Variants in SORT1 observed in about 807,000 individuals in gnomAD.
SORT1 encodes the protein sortilin 1.
A neutral mutation model predicts 101.7 loss-of-function variants in SORT1; 39 were observed. The ratio of observed to expected loss-of-function variants is 0.38; its 90% CI spans 0.30 to 0.50. The LOEUF (loss-of-function observed/expected upper bound fraction) is 0.50, where lower values mean the gene tolerates loss of function less well. Ranked by LOEUF, SORT1 falls within the 20% of genes least tolerant of loss-of-function variation. The probability of loss-of-function intolerance (pLI) is 0.90; values close to 1 mark genes in which losing one functional copy is unlikely to be tolerated. For missense variants in SORT1, 878 were observed against 1,040.4 expected, an observed-to-expected ratio of 0.84 and a Z score of 2.15; for synonymous variants, 396 against 393.7, an observed-to-expected ratio of 1.01 and a Z score of -0.07.
rs1647874993 is a variant in SORT1 at position 109,324,746 on chromosome 1, C to A, written c.1834+153G>T. 6.6e-6 allele frequency among the ~76,000 whole-genome samples: 1 copy of A among 152,154 alleles called. No individual in the cohort carries two copies. Among genetic ancestry groups the A allele is most frequent in the South Asian group, 2.1e-4 (1 of 4,822 alleles). On this transcript the variant is annotated intron_variant, in intron 14 of 19. Transcript: ENST00000256637. ...AGGAGGTTGTTTTTCTGATGCCATT[C>A]CATTACTTAATCACCCACACAGAAC...
At chr1:109,333,869 G>A (rs1009119110) in intron 11 of SORT1, among the ~76,000 whole-genome samples, 11 of 152,170 alleles carry the variant, frequency 7.2e-5, no homozygotes, top group African/African-American at 2.2e-4. Flanking sequence ...CAGCAGGGCC[G>A]AGCATGGTGG....
At chr1:109,357,938 TATC>T (rs1229933009) in intron 3 of SORT1, among the ~76,000 whole-genome samples, 3 of 152,206 alleles carry the variant, frequency 2.0e-5, no homozygotes. Context: ...ACAGTGCATG[TATC>T]ATCAACAGCT....
chr1:109,340,702 C>T (rs1324537961), intron 10 of SORT1, 22 bp downstream of exon 10: 1 of 1,613,464 alleles, frequency 6.2e-7, no homozygotes, highest in Non-Finnish European at 8.5e-7. Context: ...GCACAGTACA[C>T]CACTGCGATG....
chr1:109,340,970 C>A lies in SORT1; in HGVS notation c.1109-91G>T, dbSNP rs1649183226. The A allele has an allele frequency of 7.9e-6, 8 of 1,009,690 alleles. No homozygotes were observed. In the South Asian group the frequency reaches 1.2e-4, roughly 15 times the overall value. 62.5% of individuals were successfully genotyped at this position (1,009,690 alleles called of 1,614,324 possible). ...AACCACACACGATTACCTGCCTGAC[C>A]AAACACAGTAGCCAATTGTGTCTCT... On this transcript the variant is annotated intron_variant, in intron 9 of 19. Transcript: ENST00000256637.
intron 1 of SORT1, among the ~76,000 whole-genome samples, chr1:109,377,244 G>A (rs1035857018): frequency 6.6e-6 from 1 of 152,038 alleles, no homozygotes; most frequent in Non-Finnish European, 1.5e-5. Flanking sequence ...AATTCTTAAT[G>A]GCAGACGCTA....
chr1:109,330,572 T>C (rs1648395538), intron 11 of SORT1, among the ~76,000 whole-genome samples: 1 of 151,990 alleles, frequency 6.6e-6, no homozygotes, highest in African/African-American at 2.4e-5. Context: ...CTCAAGGAAC[T>C]AGAAAAAGAA....
Position 109,314,098 on chromosome 1 carries a change from C to A in SORT1, c.2482-41G>T, listed in dbSNP as rs527386392. 130 of 1,613,444 alleles carry A rather than the reference C, an allele frequency of 8.1e-5. 1 individual carries two copies. In the South Asian group the frequency reaches 1.4e-3, roughly 17 times the overall value. ...ACCATATTACCGACAGACCACAACA[C>A]TCCTATTTCAAAAGCAATCACCTAG... On this transcript the variant is annotated intron_variant, in intron 19 of 19. Transcript: ENST00000256637.
rs188782122 is a variant in SORT1 at position 109,317,390 on chromosome 1, G to A, written c.2142-432C>T. ...GTTACACTAGTGTCCACAGCTATGT[G>A]TGGCTAGTGACTATCATATTGGGCA... On this transcript the variant is annotated intron_variant, in intron 16 of 19. Coordinates refer to ENST00000256637, the MANE Select transcript of SORT1 (RefSeq NM_002959.7). Among the ~76,000 whole-genome samples, 71 of 152,330 alleles carry A rather than the reference G, an allele frequency of 4.7e-4. 1 individual carries two copies. Among genetic ancestry groups the A allele is most frequent in the African/African-American group, 1.6e-3 (65 of 41,576 alleles).
At chr1:109,381,787 C>T (rs1652253024) in intron 1 of SORT1, among the ~76,000 whole-genome samples, 1 of 151,962 alleles carries the variant, frequency 6.6e-6, no homozygotes, top group Non-Finnish European at 1.5e-5. Flanking sequence ...CTGTTTGAGC[C>T]CAGGAGGTCA....
At chr1:109,331,481 A>G (rs1013974527) in intron 11 of SORT1, among the ~76,000 whole-genome samples, 1 of 152,084 alleles carries the variant, frequency 6.6e-6, no homozygotes, top group Non-Finnish European at 1.5e-5. Flanking sequence ...TAATAAACCC[A>G]TTCATGATAA....
chr1:109,366,680 G>C (rs1464149638), intron 3 of SORT1: 2 of 152,332 alleles, frequency 1.3e-5, no homozygotes, highest in Admixed American at 6.5e-5. Flanking sequence ...GCTGAGGTGG[G>C]AAGACAGCTT....
At chr1:109,376,608 A>G (rs1289574313) in intron 1 of SORT1, among the ~76,000 whole-genome samples, 1 of 152,202 alleles carries the variant, frequency 6.6e-6, no homozygotes, top group Non-Finnish European at 1.5e-5. Flanking sequence ...ATGGATGCAC[A>G]TGGAGGCCAT....
In SORT1 at chr1:109,314,223, G is replaced by A. The variant is rs72646591; in HGVS notation, c.2481+38C>T. The A allele has an allele frequency of 2.3e-5, 33 of 1,457,012 alleles. No individual in the cohort carries two copies. The African/African-American group carries it at 4.2e-4, about 19-fold the overall frequency. 90.3% of individuals were successfully genotyped at this position (1,457,012 alleles called of 1,614,324 possible). Reference sequence around the variant, plus strand: ...GACTTTATTTTCTTGTATTTTTTGGGGGGGGGGGTACTACCATTCAAGAAG... The same window carrying A: ...GACTTTATTTTCTTGTATTTTTTGGAGGGGGGGGTACTACCATTCAAGAAG... On this transcript the variant is annotated intron_variant, in intron 19 of 19. Transcript: ENST00000256637.
chr1:109,331,715 C>T (rs943305491), intron 11 of SORT1, among the ~76,000 whole-genome samples: 5 of 151,914 alleles, frequency 3.3e-5, no homozygotes, highest in Non-Finnish European at 7.4e-5. Context: ...AAACAAAAAG[C>T]ATCCAAACCA....
chr1:109,364,258 A>G (rs1400590548), intron 3 of SORT1, among the ~76,000 whole-genome samples: 1 of 152,212 alleles, frequency 6.6e-6, no homozygotes, highest in Non-Finnish European at 1.5e-5. Context: ...GGTGGTATTT[A>G]AACAGTGACA....
At chr1:109,372,499 C>T (rs1419394648) in intron 1 of SORT1, among the ~76,000 whole-genome samples, 1 of 152,140 alleles carries the variant, frequency 6.6e-6, no homozygotes, top group East Asian at 1.9e-4. Context: ...CCATGACAGA[C>T]ATGAGTATGA....
intron 12 of SORT1, among the ~76,000 whole-genome samples, 166 bp from the exon 13 acceptor site, chr1:109,327,326 T>G (rs1276277211): frequency 6.6e-6 from 1 of 152,260 alleles, no homozygotes; most frequent in Non-Finnish European, 1.5e-5. Context: ...TGTTGCTCTC[T>G]CTGATAAAAG....
At chr1:109,350,219 T>A (rs189251060) in intron 6 of SORT1, among the ~76,000 whole-genome samples, 1 of 152,342 alleles carries the variant, frequency 6.6e-6, no homozygotes, top group African/African-American at 2.4e-5. Flanking sequence ...AACAACATTC[T>A]GAGCCTAATC....
intron 3 of SORT1, among the ~76,000 whole-genome samples, 162 bp from the exon 4 acceptor site, chr1:109,355,631 A>T (rs1650256128): frequency 8.2e-6 from 1 of 122,604 alleles, no homozygotes; most frequent in South Asian, 3.3e-4. Flanking sequence ...GTGAGTCCGA[A>T]GAACATTCCA....
Sources: allele counts gnomAD v4.1 joint callset (sites outside exome capture counted in the v4.1 genomes callset), GRCh38; gene constraint gnomAD v4.1.1; transcripts MANE v1.5; gene names NCBI Gene and HGNC (gene_info 2026-07-23, HGNC 2026-07-21).